WNT7B: variants seen among roughly 807,000 people sequenced by gnomAD.
WNT7B encodes protein Wnt-7b.
WNT7B carries 19 observed loss-of-function variants against 38.2 expected under a neutral mutation model. The ratio of observed to expected loss-of-function variants is 0.50; its 90% confidence interval spans 0.35 to 0.73. WNT7B has a LOEUF of 0.73. Among genes scored for constraint, WNT7B ranks in the 30% least tolerant of loss-of-function variants. WNT7B has a pLI of 0.01. For missense variants in WNT7B, 423 were observed against 507.9 expected, an observed-to-expected ratio of 0.83 and a Z score of 1.61; for synonymous variants, 243 against 209.3, an observed-to-expected ratio of 1.16 and a Z score of -1.39.
rs1161264165 is a variant in WNT7B, at chr22:45,975,530, C to T, written c.71+1154G>A. 3 of 716,552 alleles carry T rather than the reference C, an allele frequency of 4.2e-6. No individual in the cohort carries two copies. Among genetic ancestry groups the T allele is most frequent in the Non-Finnish European group, 7.8e-6 (3 of 384,516 alleles). 44.4% of individuals were successfully genotyped at this position (716,552 alleles called of 1,614,324 possible). A position where few individuals can be genotyped will look rare whatever the true frequency, so the allele number is the denominator to read the frequency against. ...TGGCTTTGTCTCTGCAGGCCTTGGG[C>T]CTCAGTTTCTCCACCTGTAAAATGG... On this transcript the variant is annotated intron_variant, in intron 1 of 3. Transcript: ENST00000339464. The surrounding 1 kb of genome is among the most constrained non-coding windows in gnomAD (Gnocchi z 6.6).
intron 1 of WNT7B, among the ~76,000 whole-genome samples, chr22:45,969,053 G>A (rs533236744): frequency 2.6e-5 from 4 of 152,240 alleles, no homozygotes; most frequent in African/African-American, 9.6e-5. Context: ...GTCCCCACAC[G>A]GGCCATGGTG....
chr22:45,947,938 G>C (rs563282384), intron 2 of WNT7B, among the ~76,000 whole-genome samples: 1 of 152,156 alleles, frequency 6.6e-6, no homozygotes, highest in Non-Finnish European at 1.5e-5. Context: ...ATCCCCAGGC[G>C]AGCTCGGGGA....
intron 1 of WNT7B, chr22:45,972,116 G>GGGGGGGGGGGGGCC: frequency 1.9e-6 from 1 of 530,744 alleles, no homozygotes; most frequent in African/African-American, 2.1e-5. Flanking sequence ...CCCGGGGGGA[G>GGGGGGGGGGGGGCC]CCCACCCGCC....
intron 2 of WNT7B, among the ~76,000 whole-genome samples, chr22:45,932,495 G>C (rs1931397394): frequency 6.6e-6 from 1 of 151,642 alleles, no homozygotes; most frequent in African/African-American, 2.4e-5. Context: ...CCCTCTCCCT[G>C]GTGAGCCCTA....
At chr22:45,929,926 A>G (rs778414533) in intron 3 of WNT7B, among the ~76,000 whole-genome samples, 1 of 143,042 alleles carries the variant, frequency 7.0e-6, no homozygotes, top group African/African-American at 2.6e-5. Context: ...CTATCCTCCC[A>G]TCCACCCACT....
chr22:45,963,568 CTT>C (rs1350980525), intron 1 of WNT7B, among the ~76,000 whole-genome samples: 1 of 152,190 alleles, frequency 6.6e-6, no homozygotes, highest in African/African-American at 2.4e-5. Context: ...GGAGCAGCAT[CTT>C]GGGCCAGGCC....
chr22:45,954,198 C>T (rs900747968), intron 1 of WNT7B, among the ~76,000 whole-genome samples: 2 of 151,482 alleles, frequency 1.3e-5, no homozygotes, highest in African/African-American at 4.9e-5. Flanking sequence ...ATGAAACGTC[C>T]GGAATAGGCA....
chr22:45,943,953 G>C (rs1026646591), intron 2 of WNT7B, among the ~76,000 whole-genome samples: 31 of 152,138 alleles, frequency 2.0e-4, no homozygotes, highest in African/African-American at 7.0e-4. Context: ...TGGAGCCTTT[G>C]CCCACGGAAC....
In WNT7B at chr22:45,923,297, G is replaced by T. The variant is rs75306409; in HGVS notation, c.609C>A (p.His203Gln). The change falls in exon 4 of 4, where the codon CAC becomes CAA. Residue 203 changes from histidine to glutamine, a missense_variant. Around this residue, in one of 3 missense-constraint regions of WNT7B, gnomAD observed 158 missense variants for 214.7 expected, o/e 0.74. Transcript: ENST00000339464. ...TGGTGGTGCAGGAGCCAGACACGCC[G>T]TGGCACTTGCACTCCAGCTGCATCC... is the stretch of plus-strand genomic sequence containing the variant. ...EDRMQLECKC[H>Q]GVSGSCTTKT... 1 of 1,612,068 alleles carries T rather than the reference G, an allele frequency of 6.2e-7. No individual in the cohort carries two copies. The highest frequency in any genetic ancestry group is 8.5e-7 in the Non-Finnish European group (1 of 1,178,974).
In WNT7B at chr22:45,920,368, T is replaced by G. The variant is rs1297189484; in HGVS notation, c.*2488A>C. On this transcript the variant is annotated 3_prime_UTR_variant, in exon 4 of 4. Transcript: ENST00000339464. ...ATGGGGATTCCACACACACTCACTTTTCCGATTCCAGCTTTTATTGGGCCG... is the reference window on the plus strand; with the variant it reads ...ATGGGGATTCCACACACACTCACTTGTCCGATTCCAGCTTTTATTGGGCCG... 6.6e-6 allele frequency: 1 copy of G among 152,130 alleles called. No homozygotes were observed. Among genetic ancestry groups the G allele is most frequent in the Non-Finnish European group, 1.5e-5 (1 of 68,036 alleles). The allele number at this position is 152,130 out of a possible 1,614,324, so 9.4% of individuals were successfully genotyped here.
rs1932103391 is a variant in WNT7B at position 45,957,703 on chromosome 22, A to AAAAAAAAAC, written c.72-7558_72-7557insGTTTTTTTT. ...GTCTCAAAAAAAAAAAAAAAAAAAAAAAAAAAAAACAGAAAACACGCTTCA... is the reference window on the plus strand; with the variant it reads ...GTCTCAAAAAAAAAAAAAAAAAAAAAAAAAAAAACAAAAAAAAACAGAAAACACGCTTCA... On this transcript the variant is annotated intron_variant, in intron 1 of 3. Coordinates refer to ENST00000339464, the MANE Select transcript of WNT7B (RefSeq NM_058238.3). Among the ~76,000 whole-genome samples, 3 of 146,102 alleles carry AAAAAAAAAC rather than the reference A, an allele frequency of 2.1e-5. 1 individual carries two copies. The highest frequency in any genetic ancestry group is 7.8e-5 in the African/African-American group (3 of 38,386).
chr22:45,936,092 C>G, intron 2 of WNT7B: 1 of 985,414 alleles, frequency 1.0e-6, no homozygotes, highest in Non-Finnish European at 1.2e-6. Flanking sequence ...CACCCCACAG[C>G]CCTCAAGAGC....
intron 2 of WNT7B, among the ~76,000 whole-genome samples, chr22:45,941,057 A>T (rs570667431): frequency 6.6e-6 from 1 of 152,178 alleles, no homozygotes; most frequent in South Asian, 2.1e-4. Context: ...ATTGAAAGGG[A>T]CCCTCCACCC....
chr22:45,928,609 A>AGCCGCCTTGTTTT (rs1931173305), intron 3 of WNT7B, among the ~76,000 whole-genome samples: 5 of 104,338 alleles, frequency 4.8e-5, no homozygotes, highest in African/African-American at 1.1e-4. Context: ...GACCATCACC[A>AGCCGCCTTGTTTT]GCCGCCTTGT....
rs745440535 is a variant in WNT7B at position 45,931,082 on chromosome 22, C to T, written c.570+16G>A. Reference sequence around the variant, plus strand: ...GGTCCCAGCTACGGCCCCCACCAGCCGCACCCGCACCCTACCTTCCTGCCG... The same window carrying T: ...GGTCCCAGCTACGGCCCCCACCAGCTGCACCCGCACCCTACCTTCCTGCCG... On this transcript the variant is annotated intron_variant, in intron 3 of 3. Coordinates refer to ENST00000339464, the MANE Select transcript of WNT7B (RefSeq NM_058238.3). 1.7e-5 allele frequency: 27 copies of T among 1,552,190 alleles called. No individual in the cohort carries two copies. The highest frequency in any genetic ancestry group is 4.5e-5 in the East Asian group (2 of 44,110).
chr22:45,925,551 T>C, intron 3 of WNT7B: 1 of 985,180 alleles, frequency 1.0e-6, no homozygotes, highest in Non-Finnish European at 1.2e-6. Context: ...CCAGAGAGTA[T>C]ATTGGGACCT....
At chr22:45,932,470 A>G (rs957401052) in intron 2 of WNT7B, among the ~76,000 whole-genome samples, 2 of 151,110 alleles carry the variant, frequency 1.3e-5, no homozygotes, top group African/African-American at 4.9e-5. Flanking sequence ...TCCTGATTTG[A>G]CCCAGATCCG....
At chr22:45,936,340 C>G (rs373272840) in intron 2 of WNT7B, among the ~76,000 whole-genome samples, 2 of 152,188 alleles carry the variant, frequency 1.3e-5, no homozygotes, top group African/African-American at 4.8e-5. Context: ...GTGGGCAGTC[C>G]AGGGCCGGCT....
chr22:45,962,585 G>A (rs756704337), intron 1 of WNT7B, among the ~76,000 whole-genome samples: 1 of 152,220 alleles, frequency 6.6e-6, no homozygotes, highest in African/African-American at 2.4e-5. Flanking sequence ...GATCACATCT[G>A]TGCTGGGCTC....
Sources: gnomAD v4.1 joint callset for allele counts (sites outside exome capture counted in the v4.1 genomes callset) on GRCh38, gnomAD v4.1.1 for gene constraint, gnomAD v4.1.1 regional missense constraint, Gnocchi (gnomAD v3.1) non-coding constraint, MANE v1.5 for transcripts, NCBI Gene and HGNC (gene_info 2026-07-23, HGNC 2026-07-21) for gene names.